Variants in COMMD10 observed in about 807,000 individuals in gnomAD.
The protein encoded by COMMD10 is COMM domain-containing protein 10.
A neutral mutation model predicts 28.9 loss-of-function variants in COMMD10; 33 were observed. That is an observed-to-expected ratio of 1.14 (90% CI 0.87 to 1.53). COMMD10 has a LOEUF of 1.53. COMMD10 is among the 40% of genes most tolerant of loss of function. The probability of loss-of-function intolerance (pLI) is 0.00; values close to 1 mark genes in which losing one functional copy is unlikely to be tolerated. For synonymous variants in COMMD10, 110 were observed against 81.7 expected, an observed-to-expected ratio of 1.35 and a Z score of -1.87; for missense variants, 310 against 233.4, an observed-to-expected ratio of 1.33 and a Z score of -2.14.
rs558354445 is a variant in COMMD10, at chr5:116,267,098, G to A, written c.511-24419G>A. On this transcript the variant is annotated intron_variant, in intron 5 of 6. Transcript: ENST00000274458. ...CATAGTATTGGAAATTCTGGCCAGG[G>A]CAATCAGACAGGAGAAAGAAATAAA... is the stretch of plus-strand genomic sequence containing the variant. 5.9e-5 allele frequency among the ~76,000 whole-genome samples: 9 copies of A among 151,940 alleles called. No homozygotes were observed. The South Asian group carries it at 1.9e-3, about 31-fold the overall frequency.
At chr5:116,289,512 C>T (rs1561410957) in intron 5 of COMMD10, among the ~76,000 whole-genome samples, 1 of 151,854 alleles carries the variant, frequency 6.6e-6, no homozygotes, top group South Asian at 2.1e-4. Context: ...TGCCTCTCAC[C>T]TCTGTTTTCA....
intron 4 of COMMD10, among the ~76,000 whole-genome samples, chr5:116,128,674 T>G (rs1751747323): frequency 6.6e-6 from 1 of 152,006 alleles, no homozygotes; most frequent in Admixed American, 6.6e-5. Flanking sequence ...GTATCTTGTT[T>G]ATGTCAGCAA....
intron 5 of COMMD10, among the ~76,000 whole-genome samples, chr5:116,223,627 G>A (rs1280930725): frequency 1.3e-5 from 2 of 152,138 alleles, no homozygotes; most frequent in African/African-American, 2.4e-5. Flanking sequence ...CAGACTATAA[G>A]GTGAGACCGT....
intron 5 of COMMD10, among the ~76,000 whole-genome samples, chr5:116,200,597 G>T (rs1356189161): frequency 6.6e-6 from 1 of 151,534 alleles, no homozygotes; most frequent in African/African-American, 2.4e-5. Flanking sequence ...TTCCTCCTGG[G>T]TTTTTTGTTT....
intron 5 of COMMD10, among the ~76,000 whole-genome samples, chr5:116,238,303 C>G (rs1313423219): frequency 6.6e-6 from 1 of 152,140 alleles, no homozygotes; most frequent in Non-Finnish European, 1.5e-5. Context: ...GACTGCATGA[C>G]AATTAAGAAC....
intron 5 of COMMD10, among the ~76,000 whole-genome samples, chr5:116,136,305 A>G (rs377359540): frequency 6.6e-6 from 1 of 152,182 alleles, no homozygotes; most frequent in South Asian, 2.1e-4. Context: ...TAGGATGATG[A>G]TCTGGAACTC....
intron 5 of COMMD10, among the ~76,000 whole-genome samples, chr5:116,233,533 G>A (rs1328038514): frequency 6.6e-6 from 1 of 152,114 alleles, no homozygotes; most frequent in Admixed American, 6.6e-5. Flanking sequence ...AAACAACTAG[G>A]TTGTCTAATA....
intron 5 of COMMD10, among the ~76,000 whole-genome samples, chr5:116,139,065 T>C (rs1419740713): frequency 6.6e-6 from 1 of 151,736 alleles, no homozygotes. Flanking sequence ...TGAGTTCCAG[T>C]TTATCAGTAG....
chr5:116,291,405 T>G, intron 5 of COMMD10, 112 bp from the exon 6 acceptor site: 1 of 746,174 alleles, frequency 1.3e-6, no homozygotes. Flanking sequence ...AAGCATTTTT[T>G]AAAACCACTC....
chr5:116,227,367 C>T (rs184456366), intron 5 of COMMD10, among the ~76,000 whole-genome samples: 2 of 152,096 alleles, frequency 1.3e-5, no homozygotes, highest in East Asian at 3.9e-4. Flanking sequence ...GTTATCCAGC[C>T]TCTTTATTCT....
chr5:116,085,268 G>A, intron 1 of COMMD10, 175 bp downstream of exon 1: 2 of 626,688 alleles, frequency 3.2e-6, no homozygotes, highest in Non-Finnish European at 5.5e-6. Context: ...GCGTGGGGCC[G>A]TGTAGCGCCT....
chr5:116,147,988 T>C (rs972825276), intron 5 of COMMD10, among the ~76,000 whole-genome samples: 3 of 151,884 alleles, frequency 2.0e-5, no homozygotes, highest in Non-Finnish European at 2.9e-5. Flanking sequence ...TCATTTTAAA[T>C]GACTACATAG....
chr5:116,168,606 C>G (rs898391562), intron 5 of COMMD10, among the ~76,000 whole-genome samples: 13 of 152,006 alleles, frequency 8.6e-5, no homozygotes, highest in Non-Finnish European at 1.6e-4. Context: ...TCAGCAAATG[C>G]AAAAGAATGG....
intron 5 of COMMD10, among the ~76,000 whole-genome samples, chr5:116,275,526 G>A (rs560711209): frequency 6.6e-6 from 1 of 151,204 alleles, no homozygotes; most frequent in African/African-American, 2.5e-5. Flanking sequence ...TATTGGACTC[G>A]TAAGCTCAAG....
At chr5:116,176,064 G>T (rs981515021) in intron 5 of COMMD10, among the ~76,000 whole-genome samples, 1 of 150,400 alleles carries the variant, frequency 6.6e-6, no homozygotes, top group African/African-American at 2.5e-5. Flanking sequence ...AAAAAAAAAT[G>T]TTCTGAGCTT....
intron 5 of COMMD10, among the ~76,000 whole-genome samples, chr5:116,163,581 C>T (rs1561641422): frequency 6.6e-6 from 1 of 151,948 alleles, no homozygotes; most frequent in Non-Finnish European, 1.5e-5. Context: ...AATAGCAACA[C>T]TCTGTCTCCA....
chr5:116,169,599 G>C (rs1753249690), intron 5 of COMMD10, among the ~76,000 whole-genome samples: 1 of 152,072 alleles, frequency 6.6e-6, no homozygotes. Context: ...ATAAAATACT[G>C]GCAAACTGAA....
intron 4 of COMMD10, among the ~76,000 whole-genome samples, chr5:116,101,114 A>T (rs962503221): frequency 3.9e-5 from 6 of 152,190 alleles, no homozygotes; most frequent in African/African-American, 1.4e-4. Flanking sequence ...TTGTCTATAT[A>T]TACACACCAT....
intron 5 of COMMD10, among the ~76,000 whole-genome samples, chr5:116,211,007 C>T (rs778914084): frequency 8.6e-5 from 13 of 151,752 alleles, no homozygotes; most frequent in Admixed American, 3.3e-4. Flanking sequence ...AATATTATTT[C>T]GGTTTTTATT....
Sources: gnomAD v4.1 joint callset for allele counts (sites outside exome capture counted in the v4.1 genomes callset) on GRCh38, gnomAD v4.1.1 for gene constraint, MANE v1.5 for transcripts, NCBI Gene and HGNC (gene_info 2026-07-23, HGNC 2026-07-21) for gene names.